Variants in CFAP20DC observed in about 807,000 individuals in gnomAD.
CFAP20DC encodes the protein CFAP20 domain containing, also known as protein CFAP20DC.
In CFAP20DC, 84 loss-of-function variants were observed where a neutral mutation model predicts 101.7. The ratio of observed to expected loss-of-function variants is 0.83; its 90% CI spans 0.69 to 0.99. The LOEUF (loss-of-function observed/expected upper bound fraction) is 0.99, where lower values mean the gene tolerates loss of function less well. Among genes scored for constraint, CFAP20DC ranks in the 50% least tolerant of loss-of-function variants. The pLI is 0.00. For missense variants in CFAP20DC, 1,007 were observed against 970.3 expected (o/e 1.04, Z -0.50); for synonymous variants, 359 against 351.2 (o/e 1.02, Z -0.25).
intron 15 of CFAP20DC, among the ~76,000 whole-genome samples, chr3:58,765,635 A>T (rs1371855932): frequency 3.9e-5 from 6 of 152,120 alleles, no homozygotes; most frequent in African/African-American, 1.4e-4. Context: ...TATTTCAGAA[A>T]TCTAAAACAT....
In CFAP20DC at chr3:58,920,996, T is replaced by C. The variant is rs532828080; in HGVS notation, c.394-7132A>G. On this transcript the variant is annotated intron_variant, in intron 5 of 16. Transcript: ENST00000482387. ...TATCCACATTTTCTATTTCTTCTAG[T>C]ATCAATTTTAGCAATTTGTGTCTTT... Among the ~76,000 whole-genome samples the C allele has an allele frequency of 1.8e-4, 28 of 152,330 alleles. No homozygotes were observed. In the South Asian group the frequency reaches 4.8e-3, roughly 26 times the overall value.
At chr3:58,841,139 C>T (rs183535109) in intron 13 of CFAP20DC, among the ~76,000 whole-genome samples, 8 of 152,230 alleles carry the variant, frequency 5.3e-5, no homozygotes, top group Non-Finnish European at 8.8e-5. Flanking sequence ...AGTGAACCTG[C>T]ACAGTTAGCC....
intron 5 of CFAP20DC, among the ~76,000 whole-genome samples, chr3:58,930,309 A>G (rs2086467916): frequency 6.6e-6 from 1 of 152,098 alleles, no homozygotes; most frequent in Admixed American, 6.5e-5. Flanking sequence ...TCCAATTTCT[A>G]CACCCTCCAA....
At chr3:58,814,072 T>G (rs555650331) in intron 14 of CFAP20DC, among the ~76,000 whole-genome samples, 40 of 152,046 alleles carry the variant, frequency 2.6e-4, no homozygotes, top group Non-Finnish European at 2.9e-4. Flanking sequence ...GTCCAGTATT[T>G]CAGCTGTACT....
chr3:58,996,433 T>G (rs939082058), intron 4 of CFAP20DC, among the ~76,000 whole-genome samples: 5 of 152,242 alleles, frequency 3.3e-5, no homozygotes, highest in Non-Finnish European at 7.3e-5. Flanking sequence ...TTATCTTGTT[T>G]GTAATTTTTA....
intron 4 of CFAP20DC, among the ~76,000 whole-genome samples, chr3:59,034,822 C>G (rs2094066020): frequency 6.6e-6 from 1 of 152,166 alleles, no homozygotes; most frequent in Non-Finnish European, 1.5e-5. Flanking sequence ...AGGACTTGAA[C>G]TCAGCTCTGG....
At chr3:59,026,548 G>T (rs1460147924) in intron 4 of CFAP20DC, among the ~76,000 whole-genome samples, 1 of 152,162 alleles carries the variant, frequency 6.6e-6, no homozygotes, top group Non-Finnish European at 1.5e-5. Context: ...AATCTCAAAA[G>T]CTGTCACTAA....
chr3:58,870,084 T>G, intron 8 of CFAP20DC, 89 bp downstream of exon 8: 1 of 830,296 alleles, frequency 1.2e-6, no homozygotes, highest in Non-Finnish European at 1.9e-6. Context: ...TGTCTGTCTT[T>G]CCCTCCCTCC....
intron 4 of CFAP20DC, among the ~76,000 whole-genome samples, chr3:58,947,198 AT>A (rs781725769): frequency 7.2e-5 from 11 of 152,320 alleles, no homozygotes; most frequent in Non-Finnish European, 1.6e-4. Context: ...GCCTGCAACC[AT>A]TTACTTTACT....
intron 6 of CFAP20DC, among the ~76,000 whole-genome samples, chr3:58,888,246 G>T (rs746950387): frequency 2.9e-4 from 44 of 152,188 alleles, no homozygotes; most frequent in Non-Finnish European, 5.4e-4. Context: ...TTTACTCATT[G>T]TGTCATTCAA....
chr3:58,921,534 G>T (rs2085371126), intron 5 of CFAP20DC, among the ~76,000 whole-genome samples: 1 of 151,986 alleles, frequency 6.6e-6, no homozygotes, highest in African/African-American at 2.4e-5. Flanking sequence ...ATTTCAAAGT[G>T]CTTGGGGATT....
rs77556354 is a variant in CFAP20DC at position 58,925,509 on chromosome 3, G to A, written c.394-11645C>T. Among the ~76,000 whole-genome samples the A allele has an allele frequency of 2.7e-3, 414 of 152,274 alleles. 1 individual carries two copies. Among genetic ancestry groups the A allele is most frequent in the African/African-American group, 9.3e-3 (388 of 41,556 alleles). On this transcript the variant is annotated intron_variant, in intron 5 of 16. Transcript: ENST00000482387. ...AGACCTTGGCCCACAGCAGGAACTC[G>A]ATCAATATTTGCTAATTAAAATAAA...
rs2091409527 is a variant in CFAP20DC at position 58,964,728 on chromosome 3, A to G, written c.279-26966T>C. Among the ~76,000 whole-genome samples, 1 of 152,208 alleles carries G rather than the reference A, an allele frequency of 6.6e-6. No individual in the cohort carries two copies. Among genetic ancestry groups the G allele is most frequent in the Non-Finnish European group, 1.5e-5 (1 of 68,040 alleles). On this transcript the variant is annotated intron_variant, in intron 4 of 16. Coordinates refer to ENST00000482387, the MANE Select transcript of CFAP20DC (RefSeq NM_001394063.1). This position sits in a 1 kb window ranked among gnomAD's most constrained non-coding sequence, Gnocchi z 4.1. ...ACACACATTTTTGTATTATGCATTC[A>G]TGACAAAATATTTCTAACCTAAAAC... is the stretch of plus-strand genomic sequence containing the variant.
In CFAP20DC at chr3:58,884,652, C is replaced by T. The variant is rs1162328061; in HGVS notation, c.608G>A (p.Cys203Tyr). The change falls in exon 7 of 17, where the codon TGT becomes TAT. Residue 203 changes from cysteine (C) to tyrosine (Y), a missense_variant. Physicochemically the swap from Cys to Tyr is radical, Grantham distance 194. Transcript: ENST00000482387. ...DEPTDIIPRS[C>Y]QLMTDVPHVT... The stretch of plus-strand genomic sequence containing the variant: ...ATGTGGAACATCTGTCATTAGTTGA[C>T]AGCTTCGTGGTATAATATCTGTAGG... The T allele has an allele frequency of 1.2e-6, 2 of 1,613,832 alleles. No homozygotes were observed. Among genetic ancestry groups the T allele is most frequent in the Non-Finnish European group, 1.7e-6 (2 of 1,179,784 alleles).
At chr3:58,816,154 C>T (rs6805446) in intron 14 of CFAP20DC, among the ~76,000 whole-genome samples, 106,490 of 151,432 alleles carry the variant, frequency 0.7, 38,651 homozygotes, top group African/African-American at 0.88. Flanking sequence ...ATGTGGCACA[C>T]ATACACCATG....
chr3:58,775,207 G>C (rs1478484868), intron 15 of CFAP20DC, among the ~76,000 whole-genome samples: 2 of 152,212 alleles, frequency 1.3e-5, no homozygotes, highest in African/African-American at 4.8e-5. Context: ...AGGACAACTA[G>C]AAGCAAGGAG....
chr3:58,750,817 G>T (rs1275761686), intron 16 of CFAP20DC, among the ~76,000 whole-genome samples: 3 of 152,334 alleles, frequency 2.0e-5, no homozygotes, highest in South Asian at 2.1e-4. Flanking sequence ...ATCCATATGA[G>T]ATTTCACTTG....
At chr3:59,035,276 A>G (rs749572033) in intron 4 of CFAP20DC, among the ~76,000 whole-genome samples, 122 of 152,308 alleles carry the variant, frequency 8.0e-4, no homozygotes, top group Non-Finnish European at 1.1e-3. Context: ...CATCACAATT[A>G]AAAGAACTAG....
intron 15 of CFAP20DC, among the ~76,000 whole-genome samples, chr3:58,792,826 A>G (rs2072963494): frequency 6.6e-6 from 1 of 152,092 alleles, no homozygotes; most frequent in Admixed American, 6.6e-5. Flanking sequence ...AATGGCTGTT[A>G]GAAGATAAAT....
Sources: gnomAD v4.1 joint callset for allele counts (sites outside exome capture counted in the v4.1 genomes callset) on GRCh38, gnomAD v4.1.1 for gene constraint, Gnocchi (gnomAD v3.1) non-coding constraint, MANE v1.5 for transcripts, NCBI Gene and HGNC (gene_info 2026-07-23, HGNC 2026-07-21) for gene names.